The following CLYBL variants were observed in gnomAD, a reference collection of about 807,000 sequenced individuals.
The protein encoded by CLYBL is citramalyl-CoA lyase, mitochondrial.
CLYBL carries 31 observed loss-of-function variants against 38.9 expected under a neutral mutation model. That is an observed-to-expected ratio of 0.80 (90% CI 0.60 to 1.08). CLYBL has a LOEUF of 1.08. Ranked by LOEUF, CLYBL falls within the 50% of genes least tolerant of loss-of-function variation. CLYBL has a pLI of 0.00. For synonymous variants in CLYBL, 171 were observed against 158.6 expected, an observed-to-expected ratio of 1.08 and a Z score of -0.59; for missense variants, 434 against 411.6, an observed-to-expected ratio of 1.05 and a Z score of -0.47.
intron 2 of CLYBL, among the ~76,000 whole-genome samples, chr13:99,803,396 C>T (rs1290152345): frequency 2.0e-5 from 3 of 152,234 alleles, no homozygotes; most frequent in African/African-American, 7.2e-5. Context: ...TTCACCAGCC[C>T]ATCGCTGGAT....
At chr13:99,819,442 ATATATATATATATAT>A (rs1566340143) in intron 2 of CLYBL, among the ~76,000 whole-genome samples, 4 of 87,776 alleles carry the variant, frequency 4.6e-5, no homozygotes, top group African/African-American at 1.5e-4. Flanking sequence ...ATATATATAT[ATATATATATATATAT>A]ATATATATAT....
chr13:99,724,643 A>G lies in CLYBL; in HGVS notation c.63-48181A>G, dbSNP rs972489439. Among the ~76,000 whole-genome samples the G allele has an allele frequency of 6.6e-5, 10 of 152,260 alleles. 1 individual carries two copies. The highest frequency in any genetic ancestry group is 3.3e-4 in the Admixed American group (5 of 15,296). On this transcript the variant is annotated intron_variant, in intron 1 of 8. Transcript: ENST00000339105. ...GGTACAGCTGTGATTGTTTTCGTGCAGACTTCTCACTCAGTTCTTGTTTTG... is the reference window on the plus strand; with the variant it reads ...GGTACAGCTGTGATTGTTTTCGTGCGGACTTCTCACTCAGTTCTTGTTTTG...
intron 1 of CLYBL, among the ~76,000 whole-genome samples, chr13:99,643,894 T>A (rs1210750926): frequency 1.3e-5 from 2 of 150,996 alleles, no homozygotes; most frequent in Admixed American, 6.6e-5. Context: ...AATCCCAACT[T>A]TTCGGGAGGC....
At chr13:99,682,624 C>T in intron 1 of CLYBL, among the ~76,000 whole-genome samples, 1 of 152,020 alleles carries the variant, frequency 6.6e-6, no homozygotes, top group Non-Finnish European at 1.5e-5. Flanking sequence ...AGGCCTAGGA[C>T]ATTACTGTCA....
chr13:99,640,029 CA>C (rs1354880243), intron 1 of CLYBL, among the ~76,000 whole-genome samples: 1 of 152,158 alleles, frequency 6.6e-6, no homozygotes, highest in African/African-American at 2.4e-5. Context: ...CATAGTTGAA[CA>C]TTTCTATTCT....
chr13:99,874,858 A>G (rs146485185), intron 7 of CLYBL, among the ~76,000 whole-genome samples: 92 of 152,332 alleles, frequency 6.0e-4, no homozygotes, highest in African/African-American at 2.1e-3. Context: ...GGAATTTACT[A>G]TTTCTTTCCA....
At chr13:99,738,401 A>G (rs577239619) in intron 1 of CLYBL, among the ~76,000 whole-genome samples, 53 of 152,328 alleles carry the variant, frequency 3.5e-4, no homozygotes, top group Admixed American at 1.4e-3. Context: ...TAGGGCAGAC[A>G]GTTATTAGAA....
chr13:99,802,895 A>C (rs533181034), intron 2 of CLYBL, among the ~76,000 whole-genome samples: 1 of 152,266 alleles, frequency 6.6e-6, no homozygotes, highest in East Asian at 1.9e-4. Flanking sequence ...CCTCAAATAC[A>C]CGTACAGCGC....
intron 1 of CLYBL, among the ~76,000 whole-genome samples, chr13:99,667,506 C>T (rs2047500770): frequency 6.9e-6 from 1 of 144,382 alleles, no homozygotes. Flanking sequence ...GCATCTAACT[C>T]TGTGGCAGGT....
intron 7 of CLYBL, among the ~76,000 whole-genome samples, chr13:99,879,038 A>C (rs2052124828): frequency 6.6e-6 from 1 of 152,164 alleles, no homozygotes; most frequent in South Asian, 2.1e-4. Context: ...ATATGCAGAT[A>C]ACTGGCACAC....
At chr13:99,897,701 T>C (rs2052598879), downstream of CLYBL, among the ~76,000 whole-genome samples, 1 of 152,154 alleles carries the variant, frequency 6.6e-6, no homozygotes, top group South Asian at 2.1e-4. Flanking sequence ...ATCCCAGCAC[T>C]TTGGGAGGCT....
At chr13:99,804,756 G>A (rs1199272583) in intron 2 of CLYBL, among the ~76,000 whole-genome samples, 1 of 152,098 alleles carries the variant, frequency 6.6e-6, no homozygotes, top group East Asian at 1.9e-4. Flanking sequence ...TTTTAAAAAA[G>A]TGATAAAATA....
At chr13:99,784,743 C>T (rs904351658) in intron 2 of CLYBL, among the ~76,000 whole-genome samples, 10 of 152,114 alleles carry the variant, frequency 6.6e-5, no homozygotes, top group South Asian at 4.2e-4. Flanking sequence ...CGTAGGCCAC[C>T]GTGCCCAGCT....
chr13:99,685,741 C>T (rs2047807673), intron 1 of CLYBL, among the ~76,000 whole-genome samples: 1 of 152,062 alleles, frequency 6.6e-6, no homozygotes, highest in Non-Finnish European at 1.5e-5. Flanking sequence ...GTGGGTGGAT[C>T]ACTTGAGGTC....
intron 1 of CLYBL, among the ~76,000 whole-genome samples, chr13:99,722,508 T>C (rs1226286507): frequency 6.6e-6 from 1 of 152,142 alleles, no homozygotes; most frequent in East Asian, 1.9e-4. Flanking sequence ...GCCACAAACC[T>C]TATTCATCTT....
intron 1 of CLYBL, among the ~76,000 whole-genome samples, chr13:99,733,762 A>C (rs996831713): frequency 2.0e-5 from 3 of 152,226 alleles, no homozygotes; most frequent in Admixed American, 6.5e-5. Context: ...TTTAATTCAC[A>C]ATGGCAAGGA....
chr13:99,755,506 C>A (rs2138712483), intron 1 of CLYBL, among the ~76,000 whole-genome samples: 1 of 152,300 alleles, frequency 6.6e-6, no homozygotes, highest in East Asian at 1.9e-4. Context: ...TCACCCAACA[C>A]CAGCCAGCCT....
At chr13:99,802,197 G>C (rs76657411) in intron 2 of CLYBL, among the ~76,000 whole-genome samples, 2,164 of 152,154 alleles carry the variant, frequency 0.014, 52 homozygotes, top group African/African-American at 0.049. Context: ...TTCCCAGTGA[G>C]GGCTTTCTCT....
At chr13:99,630,572 A>G (rs999356659) in intron 1 of CLYBL, among the ~76,000 whole-genome samples, 10 of 152,148 alleles carry the variant, frequency 6.6e-5, no homozygotes, top group Non-Finnish European at 1.5e-4. Context: ...CGTTTGATGA[A>G]ATCTTACCTA....
Sources: gnomAD v4.1 joint callset for allele counts (sites outside exome capture counted in the v4.1 genomes callset) on GRCh38, gnomAD v4.1.1 for gene constraint, MANE v1.5 for transcripts, NCBI Gene and HGNC (gene_info 2026-07-23, HGNC 2026-07-21) for gene names.